The following LSMEM1 variants were observed in gnomAD, a reference collection of about 807,000 sequenced individuals.
LSMEM1 encodes leucine-rich single-pass membrane protein 1.
Under a neutral mutation model 11.3 loss-of-function variants are expected in LSMEM1, and 10 were observed. That is an observed-to-expected ratio of 0.89 (90% confidence interval 0.55 to 1.50). The LOEUF is 1.50. LSMEM1 is among the 40% of genes most tolerant of loss of function. The pLI is 0.00. For synonymous variants in LSMEM1, 65 were observed against 59.3 expected, an observed-to-expected ratio of 1.10 and a Z score of -0.44; for missense variants, 151 against 152.9, an observed-to-expected ratio of 0.99 and a Z score of 0.06.
intron 3 of LSMEM1, among the ~76,000 whole-genome samples, chr7:112,489,546 C>A (rs1362037213): frequency 2.0e-5 from 3 of 152,204 alleles, no homozygotes; most frequent in Non-Finnish European, 2.9e-5. Flanking sequence ...TTGCTCACAG[C>A]AAGGTCTTTT....
At chr7:112,486,681 CAGG>C (rs1796134205) in intron 2 of LSMEM1, among the ~76,000 whole-genome samples, 1 of 152,022 alleles carries the variant, frequency 6.6e-6, no homozygotes. Context: ...GAGGCTGAGG[CAGG>C]AGAATGGCGT....
At chr7:112,485,012 A>C in intron 2 of LSMEM1, 69 bp downstream of exon 2, 1 of 1,446,410 alleles carries the variant, frequency 6.9e-7, no homozygotes. Flanking sequence ...GCCACTGCTG[A>C]CTGGATGTGT....
intron 2 of LSMEM1, among the ~76,000 whole-genome samples, chr7:112,485,265 C>A (rs1269331468): frequency 1.3e-5 from 2 of 152,096 alleles, no homozygotes; most frequent in African/African-American, 2.4e-5. Context: ...CTCCTAGTGA[C>A]CATGGCTAGG....
Position 112,490,137 on chromosome 7 carries a change from C to A in LSMEM1, c.*188C>A. The A allele has an allele frequency of 1.8e-6, 1 of 558,642 alleles. No homozygotes were observed. Among genetic ancestry groups the A allele is most frequent in the East Asian group, 3.0e-5 (1 of 32,958 alleles). 34.6% of individuals were successfully genotyped at this position (558,642 alleles called of 1,614,324 possible). A position where few individuals can be genotyped will look rare whatever the true frequency, so the allele number is the denominator to read the frequency against. ...CCAAGGCAAGTGGGTATGGGAATAG[C>A]AACTAAAAAGGGGTGAACTTGTCTC... On this transcript the variant is annotated 3_prime_UTR_variant, in exon 4 of 4. Coordinates refer to ENST00000312849, the MANE Select transcript of LSMEM1 (RefSeq NM_182597.3).
At chr7:112,486,499 G>A (rs759925978) in intron 2 of LSMEM1, 20 of 365,378 alleles carry the variant, frequency 5.5e-5, no homozygotes, top group South Asian at 8.0e-5. Context: ...AGTCACGGCC[G>A]GGCGCCGTGG....
In LSMEM1 at chr7:112,489,890, A is replaced by G; in HGVS notation, c.337A>G (p.Asn113Asp). The G allele has an allele frequency of 6.2e-7, 1 of 1,614,214 alleles. No homozygotes were observed. The highest frequency in any genetic ancestry group is 1.1e-5 in the South Asian group (1 of 91,084). Residue 113 changes from asparagine to aspartate, a missense_variant, in exon 4 of 4, where the codon AAT (asparagine) becomes GAT (aspartate). Physicochemically the swap from Asn to Asp is conservative, Grantham distance 23. Coordinates refer to ENST00000312849, the MANE Select transcript of LSMEM1 (RefSeq NM_182597.3). Reference protein sequence around the residue: ...GKDIDDLKRINNMIVKRLNQL... With the variant: ...GKDIDDLKRIDNMIVKRLNQL... ...AGACATAGATGATCTTAAGAGAATC[A>G]ATAACATGATCGTAAAGCGACTCAA... is the stretch of plus-strand genomic sequence containing the variant.
chr7:112,486,999 A>G lies in LSMEM1; in HGVS notation c.204A>G (p.Leu68=). 2 of 1,614,126 alleles carry G rather than the reference A, an allele frequency of 1.2e-6. No homozygotes were observed. The highest frequency in any genetic ancestry group is 1.3e-5 in the African/African-American group (1 of 75,028). Residue 68 remains leucine, a synonymous_variant, in exon 3 of 4, where the codon CTA becomes CTG. Coordinates refer to ENST00000312849, the MANE Select transcript of LSMEM1 (RefSeq NM_182597.3). ...GSRSLFFVGL[L]IVLIVSLALV... is the part of the protein sequence containing the mutation. ...GGAGTCTGTTTTTTGTGGGGCTGCT[A>G]ATTGTGCTGATTGTCAGCCTGGCAC...
At chr7:112,485,056 A>C (rs190550220) in intron 2 of LSMEM1, 113 bp downstream of exon 2, 26 of 1,259,738 alleles carry the variant, frequency 2.1e-5, no homozygotes, top group Non-Finnish European at 2.5e-5. Flanking sequence ...CATTAGGAAG[A>C]GGTTGGCACT....
chr7:112,486,668 C>T (rs374624116), intron 2 of LSMEM1, among the ~76,000 whole-genome samples: 5 of 152,024 alleles, frequency 3.3e-5, no homozygotes, highest in Middle Eastern at 3.2e-3. Flanking sequence ...CCCAGCTACT[C>T]GGGAGGCTGA....
chr7:112,480,490 C>T (rs191659004), upstream of LSMEM1, among the ~76,000 whole-genome samples: 1 of 152,222 alleles, frequency 6.6e-6, no homozygotes, highest in Non-Finnish European at 1.5e-5. Flanking sequence ...CAGTTGTTCA[C>T]AACCTCACTG....
chr7:112,482,516 C>G (rs1302453627), intron 1 of LSMEM1, among the ~76,000 whole-genome samples: 2 of 152,200 alleles, frequency 1.3e-5, no homozygotes, highest in Non-Finnish European at 1.5e-5. Flanking sequence ...AGTTACCACA[C>G]CTAAAATAGA....
intron 1 of LSMEM1, among the ~76,000 whole-genome samples, chr7:112,483,136 CTT>C (rs113149675): frequency 1.8e-4 from 24 of 136,656 alleles, no homozygotes; most frequent in African/African-American, 5.0e-4. Flanking sequence ...TAGGTGTATA[CTT>C]TTTTTTTTTT....
In LSMEM1 at chr7:112,481,099, CATT is replaced by C; in HGVS notation, c.-250_-248del. On this transcript the variant is annotated 5_prime_UTR_variant, in exon 1 of 4. It adds an upstream start codon to the 5' untranslated region. Coordinates refer to ENST00000312849, the MANE Select transcript of LSMEM1 (RefSeq NM_182597.3). ...TAATATATTTACTAAAAACCTTAGA[CATT>C]ATGAAAAAAGTCAGGATTTGGAATC... The C allele has an allele frequency of 3.0e-6, 1 of 331,518 alleles. No individual in the cohort carries two copies. The highest frequency in any genetic ancestry group is 5.9e-6 in the Non-Finnish European group (1 of 169,690). 20.5% of individuals were successfully genotyped at this position (331,518 alleles called of 1,614,324 possible).
chr7:112,488,588 CATT>C (rs958028388), intron 3 of LSMEM1, among the ~76,000 whole-genome samples: 3 of 149,952 alleles, frequency 2.0e-5, no homozygotes, highest in Non-Finnish European at 4.4e-5. Flanking sequence ...GTGTAGAATC[CATT>C]ATTATTATTA....
intron 2 of LSMEM1, 30 bp downstream of exon 2, chr7:112,484,973 C>A: frequency 1.3e-6 from 2 of 1,588,340 alleles, no homozygotes; most frequent in South Asian, 1.1e-5. Flanking sequence ...CACAGCAGCC[C>A]TTCCTAGCTT....
In LSMEM1 at chr7:112,490,950, T is replaced by C. The variant is rs1177387365; in HGVS notation, c.*1001T>C. 2.6e-5 allele frequency: 4 copies of C among 152,238 alleles called. No homozygotes were observed. The highest frequency in any genetic ancestry group is 2.0e-4 in the Admixed American group (3 of 15,286). The allele number at this position is 152,238 out of a possible 1,614,324, so 9.4% of individuals were successfully genotyped here. On this transcript the variant is annotated 3_prime_UTR_variant, in exon 4 of 4. Transcript: ENST00000312849. ...TATTCTACCGGTCAATTGAAGAATG[T>C]ATTATGATTCTATCATTTTGGATTG...
chr7:112,480,779 A>T (rs1466436362), upstream of LSMEM1: 1 of 455,774 alleles, frequency 2.2e-6, no homozygotes, highest in Non-Finnish European at 4.4e-6. Context: ...TAGGCGTCTG[A>T]CCTGCCATCA....
At chr7:112,487,248 G>A (rs1796151674) in intron 3 of LSMEM1, among the ~76,000 whole-genome samples, 197 bp downstream of exon 3, 1 of 152,148 alleles carries the variant, frequency 6.6e-6, no homozygotes, top group Admixed American at 6.5e-5. Flanking sequence ...CACTGCAGAA[G>A]CCCATAGTGC....
chr7:112,486,265 A>G, intron 2 of LSMEM1: 1 of 332,104 alleles, frequency 3.0e-6, no homozygotes, highest in Non-Finnish European at 6.3e-6. Context: ...TACTTTGGGA[A>G]AGGGTAATAG....
Sources: gnomAD v4.1 joint callset for allele counts (sites outside exome capture counted in the v4.1 genomes callset) on GRCh38, gnomAD v4.1.1 for gene constraint, MANE v1.5 for transcripts, NCBI Gene and HGNC (gene_info 2026-07-23, HGNC 2026-07-21) for gene names.